The following ZDHHC7 variants were observed in gnomAD, a reference collection of about 807,000 sequenced individuals.
ZDHHC7 encodes zDHHC palmitoyltransferase 7.
Under a neutral mutation model 34.1 loss-of-function variants are expected in ZDHHC7, and 12 were observed. That is an observed-to-expected ratio of 0.35 (90% confidence interval 0.23 to 0.57). The LOEUF is 0.57. Among genes scored for constraint, ZDHHC7 ranks in the 20% least tolerant of loss-of-function variants. ZDHHC7 has a pLI of 0.84. For missense variants in ZDHHC7, 388 were observed against 402.7 expected, an observed-to-expected ratio of 0.96 and a Z score of 0.31; for synonymous variants, 185 against 155.4, an observed-to-expected ratio of 1.19 and a Z score of -1.42.
At chr16:85,012,669 C>G (rs2072809566), upstream of ZDHHC7, among the ~76,000 whole-genome samples, 1 of 152,056 alleles carries the variant, frequency 6.6e-6, no homozygotes, top group African/African-American at 2.4e-5. Context: ...TTGTAGGAGG[C>G]CGAGGCAGGC....
At chr16:85,026,935 A>G in the ZDHHC7 span, among the ~76,000 whole-genome samples, 1 of 152,102 alleles carries the variant, frequency 6.6e-6, no homozygotes, top group Admixed American at 6.6e-5. Flanking sequence ...TAACCCCCAC[A>G]TTACTAGGGA....
At chr16:85,009,772 G>C (rs9935407) in intron 1 of ZDHHC7, among the ~76,000 whole-genome samples, 1 of 145,888 alleles carries the variant, frequency 6.9e-6, no homozygotes, top group Admixed American at 7.1e-5. Context: ...GCAGTGGCGC[G>C]ATCTTGGCTC....
intron 1 of ZDHHC7, 124 bp downstream of exon 1, chr16:85,011,162 C>T (rs1348774798): frequency 6.6e-6 from 1 of 152,384 alleles, no homozygotes; most frequent in African/African-American, 2.4e-5. Context: ...CAGAAGGTCG[C>T]AGGTGTGCGG....
chr16:85,016,474 G>C (rs971342480), upstream of ZDHHC7, among the ~76,000 whole-genome samples: 14 of 151,482 alleles, frequency 9.2e-5, no homozygotes, highest in Non-Finnish European at 1.8e-4. Flanking sequence ...TTTGGTGAGA[G>C]AGACAAGGTC....
chr16:85,008,167 G>C (rs745782435), intron 1 of ZDHHC7, among the ~76,000 whole-genome samples: 4 of 152,022 alleles, frequency 2.6e-5, no homozygotes, highest in Non-Finnish European at 5.9e-5. Flanking sequence ...CCAAAAAGAG[G>C]TCTGCCCTTT....
upstream of ZDHHC7, among the ~76,000 whole-genome samples, chr16:85,015,167 T>C (rs878908756): frequency 2.6e-5 from 4 of 151,228 alleles, no homozygotes; most frequent in Admixed American, 2.6e-4. Flanking sequence ...TGTCGCAATC[T>C]CAGCTCAGTG....
In ZDHHC7 at chr16:84,976,454, C is replaced by T. The variant is rs1249710222; in HGVS notation, c.816G>A (p.Lys272=). The T allele has an allele frequency of 1.9e-6, 3 of 1,614,166 alleles. No individual in the cohort carries two copies. The highest frequency in any genetic ancestry group is 2.2e-5 in the South Asian group (2 of 91,082). ...WERRLRWEGM[K]SVFGGPPSLL... is the part of the protein sequence containing the mutation. ...GTGAGGGGGGCCCCCCAAAGACGGA[C>T]TTCATCCCTTCCCATCGCAGCCTCC... is the stretch of plus-strand genomic sequence containing the variant. Residue 272 remains lysine, a synonymous_variant, in exon 8 of 8, where the codon AAG becomes AAA. Transcript: ENST00000313732.
chr16:84,991,778 T>C (rs1292708631), intron 2 of ZDHHC7, among the ~76,000 whole-genome samples: 1 of 151,936 alleles, frequency 6.6e-6, no homozygotes, highest in Non-Finnish European at 1.5e-5. Context: ...GGATTACAGG[T>C]AGAGCCACCA....
At chr16:85,001,470 C>CAAAAAAAAAAAAAAAAAAAAAAAAA (rs71151261) in intron 1 of ZDHHC7, among the ~76,000 whole-genome samples, 10 of 95,340 alleles carry the variant, frequency 1.0e-4, no homozygotes, top group East Asian at 3.2e-4. Flanking sequence ...GACCCTGTCT[C>CAAAAAAAAAAAAAAAAAAAAAAAAA]AAAAAAAAAA....
At chr16:85,022,879 T>G in the ZDHHC7 span, among the ~76,000 whole-genome samples, 1 of 152,170 alleles carries the variant, frequency 6.6e-6, no homozygotes, top group Admixed American at 6.5e-5. Flanking sequence ...CAGGAAAATC[T>G]AAATGGAGGG....
chr16:85,019,361 C>T, the ZDHHC7 span, among the ~76,000 whole-genome samples: 2 of 152,138 alleles, frequency 1.3e-5, no homozygotes, highest in Non-Finnish European at 2.9e-5. Context: ...AAAGTAGGCA[C>T]TCATGTGAAT....
At chr16:85,010,187 T>C (rs1597568991) in intron 1 of ZDHHC7, among the ~76,000 whole-genome samples, 1 of 151,778 alleles carries the variant, frequency 6.6e-6, no homozygotes, top group East Asian at 1.9e-4. Context: ...ATCCGGCTAA[T>C]TTTTTAATTT....
rs1170454051 is a variant in ZDHHC7, at chr16:85,001,640, G to T, written c.-103-5633C>A. 2.0e-5 allele frequency among the ~76,000 whole-genome samples: 3 copies of T among 152,016 alleles called. No individual in the cohort carries two copies. The East Asian group carries it at 5.8e-4, about 29-fold the overall frequency. On this transcript the variant is annotated intron_variant, in intron 1 of 7. Transcript: ENST00000313732. ...ATCTACAGATATGTATACACACATGGGTTAGCATCCACACATATATTTACT... is the reference window on the plus strand; with the variant it reads ...ATCTACAGATATGTATACACACATGTGTTAGCATCCACACATATATTTACT...
intron 1 of ZDHHC7, among the ~76,000 whole-genome samples, chr16:85,003,449 T>C (rs2072678164): frequency 6.6e-6 from 1 of 152,338 alleles, no homozygotes; most frequent in Middle Eastern, 3.4e-3. Context: ...AGTGAGCTGA[T>C]GGCGACTGCG....
At chr16:85,018,348 G>T in the ZDHHC7 span, among the ~76,000 whole-genome samples, 1 of 152,144 alleles carries the variant, frequency 6.6e-6, no homozygotes, top group South Asian at 2.1e-4. Flanking sequence ...AAGGGAGCGT[G>T]GGGGGCAGGG....
intron 1 of ZDHHC7, among the ~76,000 whole-genome samples, chr16:84,997,831 T>G (rs1462444436): frequency 1.4e-5 from 2 of 140,708 alleles, no homozygotes; most frequent in African/African-American, 5.3e-5. Flanking sequence ...ATGCGGAGCT[T>G]GCAGTGGGCC....
the ZDHHC7 span, among the ~76,000 whole-genome samples, chr16:85,021,737 G>T: frequency 6.6e-6 from 1 of 151,320 alleles, no homozygotes. Flanking sequence ...AAGAAAAAGA[G>T]AGAAAGAGAA....
At chr16:85,022,455 G>A in the ZDHHC7 span, among the ~76,000 whole-genome samples, 14 of 152,184 alleles carry the variant, frequency 9.2e-5, no homozygotes, top group Admixed American at 4.6e-4. Flanking sequence ...CGTGGGAGGC[G>A]GAGGTTGCAG....
At chr16:84,977,849 C>A in intron 6 of ZDHHC7, 75 bp downstream of exon 6, 1 of 1,193,676 alleles carries the variant, frequency 8.4e-7, no homozygotes, top group Non-Finnish European at 1.2e-6. Context: ...AAAACTGGTT[C>A]TTCCTTTAAA....
Sources: allele counts gnomAD v4.1 joint callset (sites outside exome capture counted in the v4.1 genomes callset), GRCh38; gene constraint gnomAD v4.1.1; transcripts MANE v1.5; gene names NCBI Gene and HGNC (gene_info 2026-07-23, HGNC 2026-07-21).